Variants in CNTN5 observed in about 807,000 individuals in gnomAD.
CNTN5 encodes the protein contactin 5, also known as contactin-5.
CNTN5 carries 77 observed loss-of-function variants against 129.1 expected under a neutral mutation model. The observed-to-expected ratio is 0.60, with a 90% CI of 0.50 to 0.72. The LOEUF (loss-of-function observed/expected upper bound fraction) is 0.72. Ranked by LOEUF, CNTN5 falls within the 30% of genes least tolerant of loss-of-function variation. The probability of loss-of-function intolerance (pLI) is 0.00; values close to 1 mark genes in which losing one functional copy is unlikely to be tolerated. For synonymous variants in CNTN5, 509 were observed against 465.6 expected, an observed-to-expected ratio of 1.09 and a Z score of -1.20; for missense variants, 1,478 against 1,328.8, an observed-to-expected ratio of 1.11 and a Z score of -1.75.
chr11:99,836,609 G>A (rs1294709888), intron 4 of CNTN5, among the ~76,000 whole-genome samples: 1 of 152,120 alleles, frequency 6.6e-6, no homozygotes, highest in Non-Finnish European at 1.5e-5. Flanking sequence ...ACATACGTGT[G>A]CATGTGTCTT....
At chr11:99,137,093 A>G (rs1859268882) in intron 1 of CNTN5, among the ~76,000 whole-genome samples, 1 of 152,186 alleles carries the variant, frequency 6.6e-6, no homozygotes, top group Non-Finnish European at 1.5e-5. Flanking sequence ...ACCATTGTAT[A>G]GAAGCCTTCT....
At chr11:99,126,448 T>G (rs1565338147) in intron 1 of CNTN5, among the ~76,000 whole-genome samples, 1 of 152,132 alleles carries the variant, frequency 6.6e-6, no homozygotes, top group South Asian at 2.1e-4. Context: ...TGCAGAAAAT[T>G]TGTGAAGCTC....
chr11:99,291,505 A>G (rs867328001), intron 1 of CNTN5, among the ~76,000 whole-genome samples: 8 of 152,030 alleles, frequency 5.3e-5, no homozygotes, highest in Middle Eastern at 6.8e-3. Context: ...TAAATTTCTG[A>G]TTTTATTTCT....
chr11:99,441,590 C>T (rs1299696317), intron 2 of CNTN5, among the ~76,000 whole-genome samples: 3 of 152,276 alleles, frequency 2.0e-5, no homozygotes, highest in South Asian at 2.1e-4. Flanking sequence ...GCATCTCCTT[C>T]TTCCCTTTTT....
intron 2 of CNTN5, among the ~76,000 whole-genome samples, chr11:99,439,552 A>C (rs1943735634): frequency 6.6e-6 from 1 of 151,802 alleles, no homozygotes; most frequent in African/African-American, 2.4e-5. Context: ...TACTGAAAAT[A>C]CAAAAATTAG....
rs546311288 is a variant in CNTN5, at chr11:99,417,582, C to A, written c.-71+92098C>A. ...AGCCATTGTGTTGAGTTGAAGTGCT[C>A]AATTATTCCTACTATTTTATGTTAA... On this transcript the variant is annotated intron_variant, in intron 2 of 24. Coordinates refer to ENST00000524871, the MANE Select transcript of CNTN5 (RefSeq NM_014361.4). Among the ~76,000 whole-genome samples, 24 of 151,902 alleles carry A rather than the reference C, an allele frequency of 1.6e-4. No individual in the cohort carries two copies. In the South Asian group the frequency reaches 2.7e-3, roughly 17 times the overall value.
At chr11:99,312,179 ATAAAT>A (rs964115059) in intron 1 of CNTN5, among the ~76,000 whole-genome samples, 3 of 152,224 alleles carry the variant, frequency 2.0e-5, no homozygotes, top group African/African-American at 4.8e-5. Flanking sequence ...AAAACAAAAA[ATAAAT>A]TAAATAATAC....
Position 99,499,919 on chromosome 11 carries a change from A to G in CNTN5, c.-70-56226A>G, listed in dbSNP as rs186242222. ...TAGAAAAAGTTAGACTTACGTAAAA[A>G]ATATAGGCTTTGGCAAGAGTATTTA... On this transcript the variant is annotated intron_variant, in intron 2 of 24. Transcript: ENST00000524871. 2.8e-3 allele frequency among the ~76,000 whole-genome samples: 425 copies of G among 152,246 alleles called. 2 individuals are homozygous for G. Among genetic ancestry groups the G allele is most frequent in the African/African-American group, 9.5e-3 (395 of 41,554 alleles).
chr11:99,714,851 T>G (rs1955151847), intron 3 of CNTN5, among the ~76,000 whole-genome samples: 2 of 11,190 alleles, frequency 1.8e-4, no homozygotes, highest in South Asian at 0.036. Flanking sequence ...TCAGCTCATG[T>G]GGAAAAAAAA....
intron 2 of CNTN5, among the ~76,000 whole-genome samples, chr11:99,509,847 G>C (rs1010853589): frequency 2.6e-5 from 4 of 151,744 alleles, no homozygotes; most frequent in Non-Finnish European, 5.9e-5. Context: ...TCCCTACATA[G>C]TATGAAAAAT....
chr11:100,338,839 C>T (rs1472774822), intron 21 of CNTN5, among the ~76,000 whole-genome samples: 2 of 151,842 alleles, frequency 1.3e-5, no homozygotes, highest in East Asian at 1.9e-4. Flanking sequence ...TAACAGTGCT[C>T]TCTTAGCTCT....
intron 1 of CNTN5, among the ~76,000 whole-genome samples, chr11:99,232,403 C>G (rs564363859): frequency 6.6e-6 from 1 of 152,202 alleles, no homozygotes; most frequent in Admixed American, 6.5e-5. Flanking sequence ...ATTTTATTCT[C>G]TTTGCAGTAA....
intron 2 of CNTN5, among the ~76,000 whole-genome samples, chr11:99,484,096 A>G (rs2135323790): frequency 6.6e-6 from 1 of 152,264 alleles, no homozygotes; most frequent in Middle Eastern, 3.4e-3. Flanking sequence ...AACAAAGGAA[A>G]CGGTCAATAG....
chr11:100,093,791 C>T (rs1031712733), intron 13 of CNTN5, among the ~76,000 whole-genome samples: 2 of 151,988 alleles, frequency 1.3e-5, no homozygotes, highest in Non-Finnish European at 2.9e-5. Context: ...CACCTAGGCC[C>T]CTTCCCCTGG....
intron 1 of CNTN5, among the ~76,000 whole-genome samples, chr11:99,165,237 AAAGTT>A (rs1444174569): frequency 1.3e-5 from 2 of 152,222 alleles, no homozygotes. Flanking sequence ...AACACAGTTG[AAAGTT>A]AAGTTTTGTT....
At chr11:99,652,862 C>A (rs1952211783) in intron 3 of CNTN5, among the ~76,000 whole-genome samples, 1 of 151,952 alleles carries the variant, frequency 6.6e-6, no homozygotes, top group African/African-American at 2.4e-5. Context: ...CAATCTCTAA[C>A]CCTGAAACAC....
intron 2 of CNTN5, among the ~76,000 whole-genome samples, chr11:99,527,503 G>A (rs2135457632): frequency 6.6e-6 from 1 of 152,168 alleles, no homozygotes; most frequent in South Asian, 2.1e-4. Flanking sequence ...AAAGAATGCA[G>A]AGAAAAGCTA....
Position 99,963,349 on chromosome 11 carries a change from G to A in CNTN5, c.877+6340G>A, listed in dbSNP as rs368994274. 6.0e-4 allele frequency among the ~76,000 whole-genome samples: 91 copies of A among 152,132 alleles called. 2 individuals are homozygous for A. Among genetic ancestry groups the A allele is most frequent in the East Asian group, 5.8e-3 (30 of 5,166 alleles). ...TTATTTTTTGTATAAGGTGTAAGGA[G>A]GGGATCCAGTTTCAGCTTTCTACAT... On this transcript the variant is annotated intron_variant, in intron 8 of 24. Transcript: ENST00000524871.
chr11:100,310,948 G>C (rs1951459353), intron 21 of CNTN5, among the ~76,000 whole-genome samples: 2 of 151,880 alleles, frequency 1.3e-5, no homozygotes, highest in African/African-American at 4.8e-5. Flanking sequence ...CAGGTTTCTG[G>C]GGCCTTAGGA....
Sources: gnomAD v4.1 joint callset for allele counts (sites outside exome capture counted in the v4.1 genomes callset) on GRCh38, gnomAD v4.1.1 for gene constraint, MANE v1.5 for transcripts, NCBI Gene and HGNC (gene_info 2026-07-23, HGNC 2026-07-21) for gene names.